Variants in ACER2 observed in about 807,000 individuals in gnomAD.
ACER2 encodes the protein alkaline ceramidase 2.
A neutral mutation model predicts 34.7 loss-of-function variants in ACER2; 26 were observed. The ratio of observed to expected loss-of-function variants is 0.75; its 90% CI spans 0.55 to 1.04. ACER2 has a LOEUF of 1.04. ACER2 is among the 50% of genes least tolerant of loss of function. The pLI is 0.00. For missense variants in ACER2, 352 were observed against 340.8 expected, an observed-to-expected ratio of 1.03 and a Z score of -0.26; for synonymous variants, 138 against 132.1, an observed-to-expected ratio of 1.04 and a Z score of -0.31.
At chr9:19,431,213 A>T (rs1410357580) in intron 3 of ACER2, among the ~76,000 whole-genome samples, 1 of 152,212 alleles carries the variant, frequency 6.6e-6, no homozygotes, top group Non-Finnish European at 1.5e-5. Context: ...CATAATATGT[A>T]CTGGGCACTG....
At chr9:19,443,836 T>C (rs1461591894) in intron 4 of ACER2, among the ~76,000 whole-genome samples, 2 of 152,074 alleles carry the variant, frequency 1.3e-5, no homozygotes, top group African/African-American at 4.8e-5. Context: ...TTTGTATTTT[T>C]GGTAGAGACG....
In ACER2 at chr9:19,452,007, A is replaced by G. The variant is rs1041219014; in HGVS notation, c.*1371A>G. ...GGCTGGTTTGGGTCGCTGGTGCAGC[A>G]GCGCAAATCTGTTGCCTTCTGAATT... On this transcript the variant is annotated 3_prime_UTR_variant, in exon 6 of 6. Coordinates refer to ENST00000340967, the MANE Select transcript of ACER2 (RefSeq NM_001010887.3). The G allele has an allele frequency of 6.6e-6, 1 of 152,642 alleles. No individual in the cohort carries two copies. The highest frequency in any genetic ancestry group is 1.5e-5 in the Non-Finnish European group (1 of 68,054). The allele number at this position is 152,642 out of a possible 1,614,324, so 9.5% of individuals were successfully genotyped here. A position where few individuals can be genotyped will look rare whatever the true frequency, so the allele number is the denominator to read the frequency against.
chr9:19,441,069 A>T (rs1831140364), intron 4 of ACER2, among the ~76,000 whole-genome samples: 1 of 140,016 alleles, frequency 7.1e-6, no homozygotes, highest in Non-Finnish European at 1.5e-5. Context: ...TTTTTTTGAG[A>T]CAGAGTCCTA....
intron 1 of ACER2, among the ~76,000 whole-genome samples, chr9:19,412,670 A>C (rs915317582): frequency 6.6e-6 from 1 of 151,602 alleles, no homozygotes; most frequent in Non-Finnish European, 1.5e-5. Context: ...AAAAAAAAAA[A>C]AAAAACCAGC....
At chr9:19,434,428 G>T (rs889282491) in intron 3 of ACER2, among the ~76,000 whole-genome samples, 5 of 152,276 alleles carry the variant, frequency 3.3e-5, no homozygotes, top group African/African-American at 1.2e-4. Flanking sequence ...AGGCAGCTGG[G>T]AGGTGGAGGT....
intron 2 of ACER2, 81 bp downstream of exon 2, chr9:19,424,057 C>T (rs879183903): frequency 1.8e-5 from 22 of 1,202,560 alleles, no homozygotes; most frequent in East Asian, 4.7e-5. Context: ...TTCCTCTCCC[C>T]TTTGAACATA....
chr9:19,423,010 C>G (rs1447889309), intron 1 of ACER2, among the ~76,000 whole-genome samples: 2 of 141,894 alleles, frequency 1.4e-5, no homozygotes, highest in Admixed American at 1.5e-4. Context: ...CCAGCCTGGG[C>G]TGTAAGAAAG....
chr9:19,431,158 T>G (rs1002632534), intron 3 of ACER2, among the ~76,000 whole-genome samples: 1 of 152,166 alleles, frequency 6.6e-6, no homozygotes, highest in African/African-American at 2.4e-5. Context: ...GTATTTATAT[T>G]TAAAATGATG....
chr9:19,428,058 CT>C (rs1830632771), intron 3 of ACER2, among the ~76,000 whole-genome samples: 3 of 123,566 alleles, frequency 2.4e-5, no homozygotes, highest in African/African-American at 5.9e-5. Context: ...CTTTCCTTTC[CT>C]TTCCTTTCCT....
chr9:19,424,271 G>T (rs949465615), intron 2 of ACER2: 15 of 757,836 alleles, frequency 2.0e-5, no homozygotes, highest in Non-Finnish European at 2.2e-5. Flanking sequence ...CTCTGGGGAG[G>T]CTGGTTTCTA....
chr9:19,415,481 T>G (rs76974689), intron 1 of ACER2, among the ~76,000 whole-genome samples: 1 of 151,514 alleles, frequency 6.6e-6, no homozygotes, highest in Non-Finnish European at 1.5e-5. Flanking sequence ...GGTGACAGAG[T>G]GAGACTCCAT....
At chr9:19,415,198 G>T (rs139056348) in intron 1 of ACER2, among the ~76,000 whole-genome samples, 123 of 152,214 alleles carry the variant, frequency 8.1e-4, no homozygotes, top group African/African-American at 2.8e-3. Flanking sequence ...CACATTTAAA[G>T]AAACTGTTTG....
intron 1 of ACER2, among the ~76,000 whole-genome samples, 188 bp from the exon 2 acceptor site, chr9:19,423,674 C>A (rs1337514145): frequency 6.6e-6 from 1 of 152,094 alleles, no homozygotes; most frequent in Non-Finnish European, 1.5e-5. Flanking sequence ...GCATTTCAGC[C>A]TTCCAGCCTG....
intron 4 of ACER2, among the ~76,000 whole-genome samples, chr9:19,443,341 T>C (rs940945236): frequency 2.6e-5 from 4 of 152,012 alleles, no homozygotes; most frequent in African/African-American, 9.7e-5. Context: ...ACATTTATTG[T>C]GTTTTTAGTA....
intron 1 of ACER2, among the ~76,000 whole-genome samples, chr9:19,419,877 A>G (rs1483410271): frequency 6.6e-6 from 1 of 152,214 alleles, no homozygotes; most frequent in African/African-American, 2.4e-5. Flanking sequence ...ACCAAAGGTA[A>G]CAGCTCTGCT....
At chr9:19,424,528 T>G in intron 2 of ACER2, 172 bp from the exon 3 acceptor site, 1 of 985,428 alleles carries the variant, frequency 1.0e-6, no homozygotes, top group Non-Finnish European at 1.2e-6. Context: ...CTTTCTAGAC[T>G]GGAGGCATGC....
chr9:19,435,824 C>A (rs1017030242), intron 4 of ACER2, among the ~76,000 whole-genome samples: 1 of 151,282 alleles, frequency 6.6e-6, no homozygotes. Flanking sequence ...CCGAGGAGGG[C>A]GGATCACGAG....
intron 1 of ACER2, among the ~76,000 whole-genome samples, chr9:19,416,869 C>A (rs370627166): frequency 1.3e-5 from 2 of 152,088 alleles, no homozygotes; most frequent in South Asian, 2.1e-4. Context: ...TTAAAATAAT[C>A]CTTTTTTAAA....
intron 3 of ACER2, among the ~76,000 whole-genome samples, chr9:19,433,714 C>G (rs1208143677): frequency 6.6e-6 from 1 of 152,194 alleles, no homozygotes; most frequent in Non-Finnish European, 1.5e-5. Context: ...GGGCTCCTCA[C>G]TTCCCAGTAG....
Sources: gnomAD v4.1 joint callset for allele counts (sites outside exome capture counted in the v4.1 genomes callset) on GRCh38, gnomAD v4.1.1 for gene constraint, MANE v1.5 for transcripts, NCBI Gene and HGNC (gene_info 2026-07-23, HGNC 2026-07-21) for gene names.